GOT2: variants seen among roughly 807,000 people sequenced by gnomAD.
GOT2 encodes glutamic-oxaloacetic transaminase 2, also known as aspartate aminotransferase, mitochondrial.
GOT2 carries 17 observed loss-of-function variants against 50.0 expected under a neutral mutation model. The observed-to-expected ratio is 0.34, with a 90% CI of 0.23 to 0.51. The LOEUF (loss-of-function observed/expected upper bound fraction) is 0.51. Among genes scored for constraint, GOT2 ranks in the 20% least tolerant of loss-of-function variants. The pLI, the probability that GOT2 is intolerant of heterozygous loss-of-function variation, is 0.97. For missense variants in GOT2, 430 were observed against 559.6 expected (o/e 0.77, Z 2.34); for synonymous variants, 172 against 204.9 (o/e 0.84, Z 1.37).
At chr16:58,719,087 T>G in intron 4 of GOT2, 109 bp downstream of exon 4, 1 of 834,768 alleles carries the variant, frequency 1.2e-6, no homozygotes, top group Non-Finnish European at 2.1e-6. Flanking sequence ...TCTGCAAACT[T>G]CACGGAAAGA....
rs928005876 is a variant in GOT2, at chr16:58,722,232, G to C, written c.293C>G (p.Pro98Arg). 6.2e-7 allele frequency: 1 copy of C among 1,612,862 alleles called. No individual in the cohort carries two copies. The highest frequency in any genetic ancestry group is 1.1e-5 in the South Asian group (1 of 91,030). Reference protein sequence around the residue: ...AAKNLDKEYLPIGGLAEFCKA... With the variant: ...AAKNLDKEYLRIGGLAEFCKA... ...GCAAAATTCAGCCAGTCCCCCAATG[G>C]GCAGGTATTCCTTGTCCAAATTTTT... The change falls in exon 3 of 10, where the codon CCC (proline) becomes CGC (arginine). Residue 98 changes from proline to arginine, a missense_variant. Transcript: ENST00000245206.
chr16:58,724,995 T>A (rs1048903497), intron 1 of GOT2, among the ~76,000 whole-genome samples: 5 of 152,244 alleles, frequency 3.3e-5, no homozygotes, highest in African/African-American at 1.2e-4. Flanking sequence ...TCAGGTATCT[T>A]GTAGGATGCC....
intron 1 of GOT2, among the ~76,000 whole-genome samples, chr16:58,730,910 A>G (rs1276021692): frequency 6.6e-6 from 1 of 152,194 alleles, no homozygotes; most frequent in Non-Finnish European, 1.5e-5. Flanking sequence ...AGCCTCAAAC[A>G]TTGAGCAATA....
chr16:58,723,678 C>T lies in GOT2; in HGVS notation c.246+68G>A, dbSNP rs769921457. On this transcript the variant is annotated intron_variant, in intron 2 of 9. Coordinates refer to ENST00000245206, the MANE Select transcript of GOT2 (RefSeq NM_002080.4). The stretch of plus-strand genomic sequence containing the variant: ...TCCTGATTCCCGGTCCAGCACTATT[C>T]CTGCCACTCTCCAGGGCTCTCTTCA... The T allele has an allele frequency of 1.9e-5, 25 of 1,305,344 alleles. No individual in the cohort carries two copies. The South Asian group carries it at 1.9e-4, about 10-fold the overall frequency. 80.9% of individuals were successfully genotyped at this position (1,305,344 alleles called of 1,614,324 possible). A position where few individuals can be genotyped will look rare whatever the true frequency, so the allele number is the denominator to read the frequency against.
At chr16:58,718,089 T>C (rs2044709209) in intron 6 of GOT2, 107 bp downstream of exon 6, 1 of 816,772 alleles carries the variant, frequency 1.2e-6, no homozygotes, top group South Asian at 1.4e-5. Context: ...GTGTGGACAT[T>C]TCACGCAGGT....
chr16:58,717,979 G>A (rs1021962625), intron 6 of GOT2, among the ~76,000 whole-genome samples: 2 of 152,114 alleles, frequency 1.3e-5, no homozygotes. Flanking sequence ...GAGCCACCGC[G>A]CCCAGCCAAA....
At position 58,707,602 on chromosome 16, in the gene GOT2, C is replaced by T. The variant is rs1456788579; in HGVS notation, c.*569G>A. ...CGTGTAAGGAAAAGAACGGCAATGA[C>T]AAGGGAGAAAAGAGAGCCTTCTCTT... On this transcript the variant is annotated 3_prime_UTR_variant, in exon 10 of 10. Coordinates refer to ENST00000245206, the MANE Select transcript of GOT2 (RefSeq NM_002080.4). 4 of 152,278 alleles carry T rather than the reference C, an allele frequency of 2.6e-5. No individual in the cohort carries two copies. The East Asian group carries it at 7.7e-4, about 29-fold the overall frequency. 9.4% of individuals were successfully genotyped at this position (152,278 alleles called of 1,614,324 possible).
intron 9 of GOT2, among the ~76,000 whole-genome samples, chr16:58,708,623 AAAG>A (rs2044621793): frequency 1.2e-5 from 1 of 85,162 alleles, no homozygotes; most frequent in African/African-American, 4.1e-5. Context: ...CATCTCAAAA[AAAG>A]AAAAAAAAAA....
Position 58,733,960 on chromosome 16 carries a change from G to A in GOT2, c.89+180C>T, listed in dbSNP as rs569262398. On this transcript the variant is annotated intron_variant, in intron 1 of 9. Transcript: ENST00000245206. ...GATCCTGAGGATCACTGTGGGGCAC[G>A]GACGCTCAATCCTCAGTCCCCAGTA... The A allele has an allele frequency of 5.2e-5, 21 of 400,600 alleles. No individual in the cohort carries two copies. The East Asian group carries it at 7.1e-4, about 14-fold the overall frequency. The allele number at this position is 400,600 out of a possible 1,614,324, so 24.8% of individuals were successfully genotyped here.
At chr16:58,731,952 T>C (rs1330902379) in intron 1 of GOT2, among the ~76,000 whole-genome samples, 3 of 152,254 alleles carry the variant, frequency 2.0e-5, no homozygotes, top group African/African-American at 4.8e-5. Context: ...ATGCCAAATA[T>C]GGCATCTGAT....
At chr16:58,718,091 C>T in intron 6 of GOT2, 105 bp downstream of exon 6, 1 of 823,430 alleles carries the variant, frequency 1.2e-6, no homozygotes, top group Admixed American at 1.8e-5. Flanking sequence ...GTGGACATTT[C>T]ACGCAGGTTC....
At chr16:58,732,100 G>T (rs546303221) in intron 1 of GOT2, among the ~76,000 whole-genome samples, 12 of 152,316 alleles carry the variant, frequency 7.9e-5, no homozygotes, top group African/African-American at 2.6e-4. Flanking sequence ...CGGGGCTGAT[G>T]TGGGAGGAGT....
chr16:58,717,786 G>A (rs1003683926), intron 6 of GOT2, among the ~76,000 whole-genome samples: 1 of 152,172 alleles, frequency 6.6e-6, no homozygotes, highest in African/African-American at 2.4e-5. Flanking sequence ...CACCTCCTGG[G>A]TTCAAGTGAT....
chr16:58,707,916 C>A lies in GOT2; in HGVS notation c.*255G>T. ...GCGATGACTTTCTTGCACATGTAAA[C>A]TCTTTGAGAAAAGTTGGAGAAAAAA... On this transcript the variant is annotated 3_prime_UTR_variant, in exon 10 of 10. Transcript: ENST00000245206. 1 of 315,234 alleles carries A rather than the reference C, an allele frequency of 3.2e-6. No individual in the cohort carries two copies. Among genetic ancestry groups the A allele is most frequent in the Non-Finnish European group, 5.8e-6 (1 of 171,278 alleles). 19.5% of individuals were successfully genotyped at this position (315,234 alleles called of 1,614,324 possible).
At chr16:58,713,458 G>GT (rs2044666021) in intron 8 of GOT2, among the ~76,000 whole-genome samples, 1 of 152,042 alleles carries the variant, frequency 6.6e-6, no homozygotes, top group Admixed American at 6.6e-5. Flanking sequence ...GGACAACACA[G>GT]TGAGACCTTG....
chr16:58,728,328 T>C (rs2152098313), intron 1 of GOT2, among the ~76,000 whole-genome samples: 1 of 152,268 alleles, frequency 6.6e-6, no homozygotes, highest in African/African-American at 2.4e-5. Context: ...GCATCAACTT[T>C]CCTTATCTGT....
chr16:58,715,671 T>C (rs1038775673), intron 8 of GOT2, among the ~76,000 whole-genome samples: 8 of 152,154 alleles, frequency 5.3e-5, no homozygotes, highest in Non-Finnish European at 2.9e-5. Context: ...TCCTGCCTCA[T>C]CCTCCCGAGT....
intron 8 of GOT2, among the ~76,000 whole-genome samples, chr16:58,713,197 A>G (rs765912953): frequency 2.4e-4 from 37 of 152,342 alleles, no homozygotes; most frequent in South Asian, 1.0e-3. Context: ...AAAAAAGCTG[A>G]GTTAGAATAG....
intron 8 of GOT2, among the ~76,000 whole-genome samples, chr16:58,710,901 G>T: frequency 6.8e-6 from 1 of 146,316 alleles, no homozygotes; most frequent in Non-Finnish European, 1.5e-5. Flanking sequence ...CCAGAAGGCA[G>T]AGCTTGCAGT....
Sources: allele counts gnomAD v4.1 joint callset (sites outside exome capture counted in the v4.1 genomes callset), GRCh38; gene constraint gnomAD v4.1.1; transcripts MANE v1.5; gene names NCBI Gene and HGNC (gene_info 2026-07-23, HGNC 2026-07-21).